TAX1BP1: variants seen among roughly 807,000 people sequenced by gnomAD.
The protein encoded by TAX1BP1 is Tax1 binding protein 1.
A neutral mutation model predicts 97.7 loss-of-function variants in TAX1BP1; 62 were observed. The observed-to-expected ratio is 0.63, with a 90% CI of 0.52 to 0.78. The LOEUF is 0.78. TAX1BP1 is among the 30% of genes least tolerant of loss of function. The pLI is 0.00. For missense variants in TAX1BP1, 867 were observed against 916.1 expected, an observed-to-expected ratio of 0.95 and a Z score of 0.69; for synonymous variants, 340 against 304.2, an observed-to-expected ratio of 1.12 and a Z score of -1.23.
chr7:27,746,244 C>T (rs759213447), intron 1 of TAX1BP1, among the ~76,000 whole-genome samples: 14 of 152,178 alleles, frequency 9.2e-5, no homozygotes, highest in South Asian at 2.1e-4. Context: ...TTAAAGGAAG[C>T]GTGACTATTC....
chr7:27,813,355 T>C (rs1445797219), intron 13 of TAX1BP1, among the ~76,000 whole-genome samples: 11 of 149,706 alleles, frequency 7.3e-5, no homozygotes, highest in East Asian at 5.8e-4. Flanking sequence ...CTTTTCTTTT[T>C]TTTTTCTTTT....
chr7:27,781,787 C>T lies in TAX1BP1; in HGVS notation c.613-3376C>T, dbSNP rs35645888. ...GGAGTACAGTGCAGTGGCGTGATCT[C>T]GGCTCACTGCAACCTCCAGCTCCTG... On this transcript the variant is annotated intron_variant, in intron 5 of 16. Coordinates refer to ENST00000396319, the MANE Select transcript of TAX1BP1 (RefSeq NM_006024.7). Among the ~76,000 whole-genome samples the T allele has an allele frequency of 1.3e-4, 19 of 151,700 alleles. No individual in the cohort carries two copies. The East Asian group carries it at 3.1e-3, about 25-fold the overall frequency.
Position 27,793,868 on chromosome 7 carries a change from C to G in TAX1BP1, c.1411-455C>G, listed in dbSNP as rs143974800. On this transcript the variant is annotated intron_variant, in intron 10 of 16. Coordinates refer to ENST00000396319, the MANE Select transcript of TAX1BP1 (RefSeq NM_006024.7). Reference sequence around the variant, plus strand: ...TGAAATTGAAAGTGGTACTATAGCTCTCTTTTACTATGTGATGCATATGAT... The same window carrying G: ...TGAAATTGAAAGTGGTACTATAGCTGTCTTTTACTATGTGATGCATATGAT... Among the ~76,000 whole-genome samples the G allele has an allele frequency of 1.8e-3, 281 of 152,268 alleles. 1 individual carries two copies. Among genetic ancestry groups the G allele is most frequent in the Admixed American group, 4.9e-3 (75 of 15,300 alleles).
intron 1 of TAX1BP1, among the ~76,000 whole-genome samples, chr7:27,742,993 C>G (rs558593303): frequency 3.3e-5 from 5 of 152,090 alleles, no homozygotes; most frequent in African/African-American, 4.8e-5. Context: ...TAAATCTGGG[C>G]TTTATGCATT....
chr7:27,755,803 A>C (rs1402073916), intron 2 of TAX1BP1, among the ~76,000 whole-genome samples: 2 of 152,168 alleles, frequency 1.3e-5, no homozygotes, highest in Non-Finnish European at 2.9e-5. Context: ...GACTACAATT[A>C]ACTGGTTAAC....
At chr7:27,805,559 G>A (rs1790306698) in intron 13 of TAX1BP1, among the ~76,000 whole-genome samples, 1 of 152,084 alleles carries the variant, frequency 6.6e-6, no homozygotes, top group Non-Finnish European at 1.5e-5. Context: ...ATGCTTTGCC[G>A]GGTGCTGTGG....
Position 27,785,289 on chromosome 7 carries a change from G to A in TAX1BP1, c.739G>A (p.Glu247Lys). 6.2e-7 allele frequency: 1 copy of A among 1,609,010 alleles called. No individual in the cohort carries two copies. Among genetic ancestry groups the A allele is most frequent in the Non-Finnish European group, 8.5e-7 (1 of 1,178,452 alleles). The change falls in exon 6 of 17, where the codon GAA (glutamate) becomes AAA (lysine). Residue 247 changes from glutamate (E) to lysine (K), a missense_variant. This residue lies in a region of TAX1BP1 where 822 missense variants were observed against 851.4 expected (regional missense o/e 0.97). Coordinates refer to ENST00000396319, the MANE Select transcript of TAX1BP1 (RefSeq NM_006024.7). ...TGTGTCAGTAACACATAAAGCAATT[G>A]AAAAAGAAACCGAATTAGACAGGTA... ...DIVSVTHKAI[E>K]KETELDSLKD...
intron 15 of TAX1BP1, among the ~76,000 whole-genome samples, chr7:27,818,575 G>A (rs1790863229): frequency 6.6e-6 from 1 of 151,976 alleles, no homozygotes; most frequent in Non-Finnish European, 1.5e-5. Context: ...TACTCTTTCA[G>A]CCTACCCTAG....
intron 3 of TAX1BP1, among the ~76,000 whole-genome samples, chr7:27,762,539 A>C (rs1032565698): frequency 6.6e-6 from 1 of 152,126 alleles, no homozygotes. Flanking sequence ...TGTTGAAAAA[A>C]ATTTATTCAA....
intron 3 of TAX1BP1, among the ~76,000 whole-genome samples, chr7:27,763,850 A>G (rs1240216605): frequency 6.6e-6 from 1 of 152,014 alleles, no homozygotes; most frequent in East Asian, 1.9e-4. Flanking sequence ...TAATTATGCT[A>G]TATATTTGTT....
intron 5 of TAX1BP1, among the ~76,000 whole-genome samples, chr7:27,771,199 T>C (rs1788836746): frequency 6.7e-6 from 1 of 148,760 alleles, no homozygotes; most frequent in Non-Finnish European, 1.5e-5. Context: ...TCTTCACATA[T>C]TTTTCTCATG....
At chr7:27,753,442 A>G (rs1583668858) in intron 2 of TAX1BP1, among the ~76,000 whole-genome samples, 2 of 152,374 alleles carry the variant, frequency 1.3e-5, no homozygotes, top group South Asian at 2.1e-4. Flanking sequence ...TCTTAGTTGT[A>G]TAAGTACATA....
At chr7:27,789,068 G>A (rs1318692169) in intron 8 of TAX1BP1, among the ~76,000 whole-genome samples, 4 of 151,860 alleles carry the variant, frequency 2.6e-5, no homozygotes, top group Admixed American at 6.6e-5. Flanking sequence ...CCATCCAGCC[G>A]TACACACCAG....
chr7:27,799,814 A>G (rs1790064801), intron 12 of TAX1BP1, 151 bp from the exon 13 acceptor site: 1 of 455,746 alleles, frequency 2.2e-6, no homozygotes. Context: ...GATTTATCCA[A>G]TTGTCTATTA....
intron 15 of TAX1BP1, 49 bp from the exon 16 acceptor site, chr7:27,827,689 A>C: frequency 6.8e-7 from 1 of 1,481,422 alleles, no homozygotes; most frequent in South Asian, 1.2e-5. Flanking sequence ...TAAGGAATTT[A>C]TATTTGGTTT....
chr7:27,823,069 TTTTC>T (rs1384000102), intron 15 of TAX1BP1, among the ~76,000 whole-genome samples: 6 of 152,192 alleles, frequency 3.9e-5, no homozygotes, highest in Admixed American at 6.5e-5. Context: ...TGCAAAATTA[TTTTC>T]TTTCTGATTT....
intron 5 of TAX1BP1, among the ~76,000 whole-genome samples, chr7:27,780,647 TTTTG>T (rs1789217730): frequency 6.6e-6 from 1 of 152,192 alleles, no homozygotes; most frequent in Non-Finnish European, 1.5e-5. Context: ...TTGAATTTGT[TTTTG>T]TTTGTTTTTG....
At chr7:27,823,667 T>A (rs1312990886) in intron 15 of TAX1BP1, among the ~76,000 whole-genome samples, 1 of 152,184 alleles carries the variant, frequency 6.6e-6, no homozygotes, top group Non-Finnish European at 1.5e-5. Flanking sequence ...ATCTTAGCCA[T>A]TTTTAAGCAT....
At chr7:27,740,914 T>C (rs1049647044) in intron 1 of TAX1BP1, among the ~76,000 whole-genome samples, 6 of 152,194 alleles carry the variant, frequency 3.9e-5, no homozygotes, top group Admixed American at 3.9e-4. Flanking sequence ...AGGTGTGGAC[T>C]AGTCCCGACC....
Sources: gnomAD v4.1 joint callset for allele counts (sites outside exome capture counted in the v4.1 genomes callset) on GRCh38, gnomAD v4.1.1 for gene constraint, gnomAD v4.1.1 regional missense constraint, MANE v1.5 for transcripts, NCBI Gene and HGNC (gene_info 2026-07-23, HGNC 2026-07-21) for gene names.